The following NISCH variants were observed in gnomAD, a reference collection of about 807,000 sequenced individuals.
The protein encoded by NISCH is I-1 receptor candidate protein.
NISCH carries 55 observed loss-of-function variants against 138.4 expected under a neutral mutation model. The ratio of observed to expected loss-of-function variants is 0.40; its 90% confidence interval spans 0.32 to 0.50. The LOEUF (loss-of-function observed/expected upper bound fraction) is 0.50. Ranked by LOEUF, NISCH falls within the 20% of genes least tolerant of loss-of-function variation. NISCH has a pLI of 0.71. For missense variants in NISCH, 1,643 were observed against 2,005.5 expected (o/e 0.82, Z 3.45); for synonymous variants, 860 against 861.5 (o/e 1.00, Z 0.03).
At chr3:52,477,155 C>T (rs1707120722) in intron 8 of NISCH, among the ~76,000 whole-genome samples, 1 of 152,150 alleles carries the variant, frequency 6.6e-6, no homozygotes, top group Non-Finnish European at 1.5e-5. Flanking sequence ...GACATTTGCT[C>T]CAAAGAGTGG....
At chr3:52,476,299 A>ATAG in intron 7 of NISCH, 148 bp from the exon 8 acceptor site, 1 of 802,662 alleles carries the variant, frequency 1.2e-6, no homozygotes, top group Non-Finnish European at 2.0e-6. Flanking sequence ...GTTTAAAGAC[A>ATAG]TAGGAACCAA....
At chr3:52,491,572 G>A in intron 20 of NISCH, 59 bp downstream of exon 20, 8 of 1,539,030 alleles carry the variant, frequency 5.2e-6, no homozygotes, top group Non-Finnish European at 7.0e-6. Context: ...ATGGGCCCCA[G>A]GGTGGCTCTC....
At chr3:52,477,985 C>G in intron 9 of NISCH, 112 bp from the exon 10 acceptor site, 1 of 1,086,220 alleles carries the variant, frequency 9.2e-7, no homozygotes, top group Non-Finnish European at 1.4e-6. Flanking sequence ...GTCAGAGTGA[C>G]TTGCAGAACT....
chr3:52,470,788 T>G, intron 3 of NISCH, 71 bp from the exon 4 acceptor site: 1 of 1,232,012 alleles, frequency 8.1e-7, no homozygotes, highest in East Asian at 2.3e-5. Context: ...AGGGGATAGA[T>G]AGCGGGGAAT....
Position 52,478,545 on chromosome 3 carries a change from G to C in NISCH, c.1270G>C (p.Val424Leu), listed in dbSNP as rs776976913. ...LSIIPDYRTKVLAQFGERASE... is the reference protein window; with the variant it reads ...LSIIPDYRTKLLAQFGERASE... ...CATCATCCCCGACTACCGGACCAAG[G>C]TGCTGGCTCAGTTCGGAGAGAGGGC... The change falls in exon 11 of 21, where the codon GTG (valine) becomes CTG (leucine). Residue 424 changes from valine (V) to leucine (L), a missense_variant. Physicochemically the swap from Val to Leu is conservative, Grantham distance 32. Transcript: ENST00000345716. 2 of 1,614,200 alleles carry C rather than the reference G, an allele frequency of 1.2e-6. No homozygotes were observed. Among genetic ancestry groups the C allele is most frequent in the Non-Finnish European group, 1.7e-6 (2 of 1,180,048 alleles).
Position 52,480,229 on chromosome 3 carries a change from A to G in NISCH, c.1462A>G (p.Ser488Gly). ...RLSAAPCIRP[S>G]SSPPTVAPAS... The stretch of plus-strand genomic sequence containing the variant: ...CTCAGCTGCCCCCTGCATCAGACCC[A>G]GCAGCTCCCCTCCCACTGTGGCTCC... The change falls in exon 13 of 21, where the codon AGC becomes GGC. Residue 488 changes from serine to glycine, a missense_variant. Coordinates refer to ENST00000345716, the MANE Select transcript of NISCH (RefSeq NM_007184.4). 1 of 1,613,928 alleles carries G rather than the reference A, an allele frequency of 6.2e-7. No homozygotes were observed. The highest frequency in any genetic ancestry group is 1.3e-5 in the African/African-American group (1 of 75,028).
rs780072951 is a variant in NISCH, at chr3:52,492,195, G to C, written c.4228G>C (p.Gly1410Arg). 9 of 1,613,106 alleles carry C rather than the reference G, an allele frequency of 5.6e-6. No individual in the cohort carries two copies. The South Asian group carries it at 6.6e-5, about 12-fold the overall frequency. The part of the protein sequence containing the change: ...PQRDRYRLDD[G>R]RRVRDLDRVL... Reference sequence around the variant, plus strand: ...GAGAGACAGGTACCGGCTGGACGATGGCCGCCGCGTCCGGGACCTGGACCG... The same window carrying C: ...GAGAGACAGGTACCGGCTGGACGATCGCCGCCGCGTCCGGGACCTGGACCG... Residue 1410 changes from glycine to arginine, a missense_variant, in exon 21 of 21, where the codon GGC becomes CGC. Gly to Arg is a moderately radical substitution (Grantham distance 125, BLOSUM62 -2). Transcript: ENST00000345716.
Position 52,482,716 on chromosome 3 carries a change from C to A in NISCH, c.1529-1797C>A, listed in dbSNP as rs570478300. On this transcript the variant is annotated intron_variant, in intron 13 of 20. Coordinates refer to ENST00000345716, the MANE Select transcript of NISCH (RefSeq NM_007184.4). Reference sequence around the variant, plus strand: ...TCGTGGAAAACCCGTGGACACCTTCCGCTAGGACCAAGATGGCGCCACCTG... The same window carrying A: ...TCGTGGAAAACCCGTGGACACCTTCAGCTAGGACCAAGATGGCGCCACCTG... Among the ~76,000 whole-genome samples, 5 of 152,300 alleles carry A rather than the reference C, an allele frequency of 3.3e-5. No individual in the cohort carries two copies. In the East Asian group the frequency reaches 9.6e-4, roughly 29 times the overall value.
At chr3:52,474,000 C>T (rs1707026869) in intron 7 of NISCH, among the ~76,000 whole-genome samples, 171 bp downstream of exon 7, 1 of 152,186 alleles carries the variant, frequency 6.6e-6, no homozygotes. Flanking sequence ...CACTTGACAG[C>T]CCCTGGGACA....
intron 4 of NISCH, 109 bp downstream of exon 4, chr3:52,471,016 C>G (rs934161928): frequency 9.3e-7 from 1 of 1,069,596 alleles, no homozygotes; most frequent in African/African-American, 1.6e-5. Flanking sequence ...CCTACCTCCC[C>G]TGTAGGTGGC....
chr3:52,461,111 A>G (rs1194900796), intron 3 of NISCH, among the ~76,000 whole-genome samples: 1 of 152,160 alleles, frequency 6.6e-6, no homozygotes, highest in Non-Finnish European at 1.5e-5. Context: ...GTGGTGACTC[A>G]TGCCTGTAGT....
rs372020521 is a variant in NISCH, at chr3:52,489,684, G to A, written c.3456+6G>A. ...TCCACAGCAGCATTGCTGAGGTAGC[G>A]GCCCGGGTGTGGGTGCCAGCTATGG... On this transcript the variant is annotated splice_donor_region_variant and intron_variant, in intron 17 of 20. Coordinates refer to ENST00000345716, the MANE Select transcript of NISCH (RefSeq NM_007184.4). 234 of 1,608,664 alleles carry A rather than the reference G, an allele frequency of 1.5e-4. No homozygotes were observed. The highest frequency in any genetic ancestry group is 1.2e-3 in the South Asian group (110 of 90,744).
At chr3:52,458,573 C>A in intron 2 of NISCH, 89 bp from the exon 3 acceptor site, 2 of 1,146,408 alleles carry the variant, frequency 1.7e-6, no homozygotes, top group Non-Finnish European at 2.5e-6. Flanking sequence ...CAAGTGCTGA[C>A]AAGCGCCTGC....
chr3:52,483,892 C>T (rs745912009), intron 13 of NISCH, among the ~76,000 whole-genome samples: 8 of 152,348 alleles, frequency 5.3e-5, no homozygotes, highest in Middle Eastern at 3.4e-3. Flanking sequence ...ATGCCTGTGC[C>T]GGCCTCTGCC....
rs1174598574 is a variant in NISCH at position 52,488,054 on chromosome 3, C to T, written c.2562C>T (p.Gly854=). Residue 854 remains glycine, a synonymous_variant, in exon 16 of 21, where the codon GGC becomes GGT. Transcript: ENST00000345716. The part of the protein sequence containing the change: ...VAGGCQERSQ[G]CFPVYLVYSD... Reference sequence around the variant, plus strand: ...GCGGCTGCCAGGAGCGCAGCCAGGGCTGCTTCCCCGTCTACCTGGTCTACA... The same window carrying T: ...GCGGCTGCCAGGAGCGCAGCCAGGGTTGCTTCCCCGTCTACCTGGTCTACA... 1.2e-6 allele frequency: 2 copies of T among 1,612,742 alleles called. No individual in the cohort carries two copies. The highest frequency in any genetic ancestry group is 1.1e-5 in the South Asian group (1 of 91,072).
intron 2 of NISCH, 27 bp from the exon 3 acceptor site, chr3:52,458,635 G>C: frequency 1.2e-6 from 2 of 1,600,768 alleles, no homozygotes; most frequent in Non-Finnish European, 1.7e-6. Flanking sequence ...CTTAGTCTGT[G>C]GTTGATGTGC....
chr3:52,464,708 AGAGATGGGGTTT>A (rs1706733880), intron 3 of NISCH, among the ~76,000 whole-genome samples: 1 of 151,772 alleles, frequency 6.6e-6, no homozygotes, highest in South Asian at 2.1e-4. Context: ...TATTTTTAGT[AGAGATGGGGTTT>A]TACCATGTTG....
intron 3 of NISCH, among the ~76,000 whole-genome samples, chr3:52,470,049 A>G (rs924698327): frequency 6.7e-6 from 1 of 149,900 alleles, no homozygotes; most frequent in Admixed American, 6.7e-5. Context: ...ATACCATTGC[A>G]CTCCAGCCTG....
At chr3:52,472,169 A>G (rs1275981480) in intron 5 of NISCH, 134 bp from the exon 6 acceptor site, 4 of 1,001,822 alleles carry the variant, frequency 4.0e-6, no homozygotes, top group South Asian at 1.5e-5. Context: ...TGTCCCGTTA[A>G]ATTAAGTCCT....
Sources: allele counts gnomAD v4.1 joint callset (sites outside exome capture counted in the v4.1 genomes callset), GRCh38; gene constraint gnomAD v4.1.1; transcripts MANE v1.5; gene names NCBI Gene and HGNC (gene_info 2026-07-23, HGNC 2026-07-21).